The following NALF1 variants were observed in gnomAD, a reference collection of about 807,000 sequenced individuals.
NALF1 encodes family with sequence similarity 155 member A.
Under a neutral mutation model 48.4 loss-of-function variants are expected in NALF1, and 3 were observed. The observed-to-expected ratio is 0.06, with a 90% CI of 0.03 to 0.16. NALF1 has a LOEUF of 0.16. Ranked by LOEUF, NALF1 falls within the 10% of genes least tolerant of loss-of-function variation. The pLI, the probability that NALF1 is intolerant of heterozygous loss-of-function variation, is 1.00. For synonymous variants in NALF1, 262 were observed against 245.7 expected (o/e 1.07, Z -0.62); for missense variants, 526 against 571.5 (o/e 0.92, Z 0.81).
chr13:107,335,950 A>G (rs1882547780), intron 1 of NALF1, among the ~76,000 whole-genome samples: 1 of 152,096 alleles, frequency 6.6e-6, no homozygotes, highest in Non-Finnish European at 1.5e-5. Context: ...GTTTTAGGAA[A>G]TGCTTTTAAG....
chr13:107,695,111 T>C (rs1881669825), intron 1 of NALF1, among the ~76,000 whole-genome samples: 1 of 152,166 alleles, frequency 6.6e-6, no homozygotes, highest in Non-Finnish European at 1.5e-5. Flanking sequence ...GTTCTGATTA[T>C]AGGTTCTACT....
chr13:107,785,638 T>G (rs1878048510), intron 1 of NALF1, among the ~76,000 whole-genome samples: 3 of 152,104 alleles, frequency 2.0e-5, no homozygotes, highest in Admixed American at 2.0e-4. Flanking sequence ...CTTCACAAAT[T>G]ACCAGTAAAT....
At chr13:107,537,525 C>G (rs188244249) in intron 1 of NALF1, among the ~76,000 whole-genome samples, 99 of 152,140 alleles carry the variant, frequency 6.5e-4, no homozygotes, top group Middle Eastern at 3.4e-3. Flanking sequence ...TTTACAGATT[C>G]ATGCTAATAA....
At chr13:107,368,124 A>G (rs1883183678) in intron 1 of NALF1, among the ~76,000 whole-genome samples, 1 of 152,136 alleles carries the variant, frequency 6.6e-6, no homozygotes, top group South Asian at 2.1e-4. Context: ...TAATTCTTAG[A>G]AAAATTCATG....
At chr13:107,481,093 C>T (rs1885247181) in intron 1 of NALF1, among the ~76,000 whole-genome samples, 1 of 152,058 alleles carries the variant, frequency 6.6e-6, no homozygotes, top group Admixed American at 6.6e-5. Flanking sequence ...TTGAGGCAGC[C>T]CTGGCTTTTT....
intron 1 of NALF1, among the ~76,000 whole-genome samples, chr13:107,241,316 G>C: frequency 6.6e-6 from 1 of 152,216 alleles, no homozygotes; most frequent in East Asian, 1.9e-4. Flanking sequence ...TGAACTGAAA[G>C]GGGCCGTGGA....
At chr13:107,832,274 AAGTAAAAAAG>A (rs1879757302) in intron 1 of NALF1, among the ~76,000 whole-genome samples, 1 of 151,744 alleles carries the variant, frequency 6.6e-6, no homozygotes, top group African/African-American at 2.4e-5. Context: ...CATTCTATTT[AAGTAAAAAAG>A]ATATTATATA....
At chr13:107,170,976 C>G (rs986519108) in intron 2 of NALF1, among the ~76,000 whole-genome samples, 190 bp from the exon 3 acceptor site, 10 of 152,162 alleles carry the variant, frequency 6.6e-5, no homozygotes, top group African/African-American at 2.4e-4. Context: ...TGTTAGATTC[C>G]TCAAGTTGTT....
chr13:107,189,835 T>TAATTTAAGTGTTCCACATG (rs1879245927), intron 2 of NALF1, among the ~76,000 whole-genome samples: 2 of 152,226 alleles, frequency 1.3e-5, no homozygotes, highest in African/African-American at 4.8e-5. Context: ...GAATTTGGAA[T>TAATTTAAGTGTTCCACATG]AATTTAAGTG....
At chr13:107,295,554 T>A (rs1226251126) in intron 1 of NALF1, among the ~76,000 whole-genome samples, 1 of 152,120 alleles carries the variant, frequency 6.6e-6, no homozygotes, top group Non-Finnish European at 1.5e-5. Flanking sequence ...TTCTTCACAC[T>A]CAGTGAGACG....
intron 1 of NALF1, among the ~76,000 whole-genome samples, chr13:107,422,008 C>T (rs1051795034): frequency 1.3e-5 from 2 of 152,046 alleles, no homozygotes; most frequent in Admixed American, 6.6e-5. Context: ...CATTCTATTC[C>T]TTGTGAAGTA....
At chr13:107,818,175 T>C (rs16971199) in intron 1 of NALF1, among the ~76,000 whole-genome samples, 7,747 of 152,262 alleles carry the variant, frequency 0.051, 520 homozygotes, top group East Asian at 0.35. Flanking sequence ...GCATTAATCT[T>C]AGGGGAACAT....
rs1261831224 is a variant in NALF1 at position 107,272,284 on chromosome 13, G to A, written c.916-61529C>T. 2.0e-4 allele frequency among the ~76,000 whole-genome samples: 3 copies of A among 15,332 alleles called. 1 individual carries two copies. Among genetic ancestry groups the A allele is most frequent in the Non-Finnish European group, 4.2e-4 (2 of 4,748 alleles). The allele number at this position is 15,332 out of a possible 152,430, so 10.1% of individuals were successfully genotyped here. A position where few individuals can be genotyped will look rare whatever the true frequency, so the allele number is the denominator to read the frequency against. On this transcript the variant is annotated intron_variant, in intron 1 of 2. Transcript: ENST00000375915. ...CTGCGGACTGCAGTGGCGCAATCTC[G>A]GCTCACTGCAAGCTCCGCTTCCCGG...
At chr13:107,863,272 T>A (rs1219793379) in intron 1 of NALF1, among the ~76,000 whole-genome samples, 1 of 152,086 alleles carries the variant, frequency 6.6e-6, no homozygotes, top group Non-Finnish European at 1.5e-5. Context: ...AAAAAACATT[T>A]TAAGTAATGT....
At chr13:107,644,646 C>CATATATATATATATATATATATAT (rs58981652) in intron 1 of NALF1, among the ~76,000 whole-genome samples, 107 of 108,142 alleles carry the variant, frequency 9.9e-4, no homozygotes, top group Admixed American at 1.6e-3. Context: ...TACATACATA[C>CATATATATATATATATATATATAT]ATATATATAT....
chr13:107,237,321 G>T (rs186012986), intron 1 of NALF1, among the ~76,000 whole-genome samples: 87 of 152,150 alleles, frequency 5.7e-4, no homozygotes, highest in African/African-American at 2.0e-3. Context: ...GAACATTAAA[G>T]AACTAAGTAT....
intron 1 of NALF1, among the ~76,000 whole-genome samples, chr13:107,503,747 GTGTGTT>G (rs56130529): frequency 0.37 from 37,094 of 99,148 alleles, 5,380 homozygotes; most frequent in South Asian, 0.39. Context: ...TGTCTGGTGT[GTGTGTT>G]TGTGTGTGTG....
intron 1 of NALF1, among the ~76,000 whole-genome samples, chr13:107,320,740 AG>A (rs1882239482): frequency 2.0e-5 from 3 of 152,154 alleles, no homozygotes; most frequent in Non-Finnish European, 4.4e-5. Context: ...TATCGATTGC[AG>A]GATTTCCTCT....
At chr13:107,357,934 A>G (rs1882991299) in intron 1 of NALF1, among the ~76,000 whole-genome samples, 1 of 152,186 alleles carries the variant, frequency 6.6e-6, no homozygotes, top group Non-Finnish European at 1.5e-5. Context: ...CATTATCTGC[A>G]TGAACAGTAT....
Sources: gnomAD v4.1 joint callset for allele counts (sites outside exome capture counted in the v4.1 genomes callset) on GRCh38, gnomAD v4.1.1 for gene constraint, MANE v1.5 for transcripts, NCBI Gene and HGNC (gene_info 2026-07-23, HGNC 2026-07-21) for gene names.